TEX14: variants seen among roughly 807,000 people sequenced by gnomAD.
TEX14 encodes testis expressed 14, intercellular bridge forming factor, also known as inactive serine/threonine-protein kinase TEX14.
In TEX14, 168 loss-of-function variants were observed where a neutral mutation model predicts 178.6. The ratio of observed to expected loss-of-function variants is 0.94; its 90% confidence interval spans 0.83 to 1.07. The LOEUF is 1.07. TEX14 is among the 50% of genes least tolerant of loss of function. The pLI is 0.00. For synonymous variants in TEX14, 626 were observed against 634.1 expected (o/e 0.99, Z 0.19); for missense variants, 1,730 against 1,753.6 (o/e 0.99, Z 0.24).
At position 58,556,819 on chromosome 17, in the gene TEX14, G is replaced by A; in HGVS notation, c.*192C>T. On this transcript the variant is annotated 3_prime_UTR_variant, in exon 32 of 32. Transcript: ENST00000349033. ...CCTCTCACTTTTCAGAAATCTGACTGAAAACAAATGGTTGAATGTGCTGCT... is the reference window on the plus strand; with the variant it reads ...CCTCTCACTTTTCAGAAATCTGACTAAAAACAAATGGTTGAATGTGCTGCT... 1 of 488,008 alleles carries A rather than the reference G, an allele frequency of 2.0e-6. No individual in the cohort carries two copies. The highest frequency in any genetic ancestry group is 3.7e-6 in the Non-Finnish European group (1 of 272,628). The allele number at this position is 488,008 out of a possible 1,614,324, so 30.2% of individuals were successfully genotyped here.
chr17:58,597,610 A>C (rs1351686887), intron 14 of TEX14, among the ~76,000 whole-genome samples: 1 of 152,110 alleles, frequency 6.6e-6, no homozygotes, highest in Non-Finnish European at 1.5e-5. Flanking sequence ...CAGGAAGTTT[A>C]TATCACTGGG....
intron 1 of TEX14, chr17:58,660,684 CT>C: frequency 1.3e-6 from 1 of 782,554 alleles, no homozygotes; most frequent in Non-Finnish European, 2.4e-6. Flanking sequence ...TCCTCCTTTT[CT>C]TGATCTTCCT....
chr17:58,586,047 C>T lies in TEX14; in HGVS notation c.2824G>A (p.Gly942Arg), dbSNP rs1344094944. 1 of 1,613,142 alleles carries T rather than the reference C, an allele frequency of 6.2e-7. No individual in the cohort carries two copies. The highest frequency in any genetic ancestry group is 8.5e-7 in the Non-Finnish European group (1 of 1,179,322). The change falls in exon 18 of 32, where the codon GGA becomes AGA. Residue 942 changes from glycine to arginine, a missense_variant. Gly to Arg is a moderately radical substitution (Grantham distance 125). Coordinates refer to ENST00000349033, the MANE Select transcript of TEX14 (RefSeq NM_031272.5). ...TGCCAAGGAGGTACTGTGAGCTGTC[C>T]AGTAGCTGCTTTCTTTGCCATTTCT... ...VKEMAKKAAT[G>R]QLTVPPWHPQ...
Position 58,622,919 on chromosome 17 carries a change from C to T in TEX14, c.345G>A (p.Leu115=), listed in dbSNP as rs761844102. The stretch of plus-strand genomic sequence containing the variant: ...TTTGACCCCTCTCATCGTGGAGTCG[C>T]AGGTCACCTCCTGCATCCAGCAGTT... ...LSKLLDAGGD[L]RLHDERGQNP... is the part of the protein sequence containing the mutation. The change falls in exon 4 of 32, where the codon CTG becomes CTA. Residue 115 remains leucine (L), a synonymous_variant. Coordinates refer to ENST00000349033, the MANE Select transcript of TEX14 (RefSeq NM_031272.5). 6.2e-7 allele frequency: 1 copy of T among 1,613,414 alleles called. No individual in the cohort carries two copies. The highest frequency in any genetic ancestry group is 1.7e-5 in the Admixed American group (1 of 60,002).
intron 1 of TEX14, among the ~76,000 whole-genome samples, chr17:58,674,649 G>A (rs146294525): frequency 0.011 from 1,745 of 152,212 alleles, 15 homozygotes; most frequent in Middle Eastern, 0.041. Context: ...CAGCCTGGGT[G>A]ACAGAGTGAG....
chr17:58,621,609 G>C lies in TEX14; in HGVS notation c.554+41C>G, dbSNP rs138860116. 6.0e-4 allele frequency: 942 copies of C among 1,566,558 alleles called. 3 individuals carry two copies. In the African/African-American group the frequency reaches 6.5e-3, roughly 11 times the overall value. On this transcript the variant is annotated intron_variant, in intron 5 of 31. Coordinates refer to ENST00000349033, the MANE Select transcript of TEX14 (RefSeq NM_031272.5). ...TGCAGGGCTCCCACGAGGAAGGCTGGGTGATGGAGACTATCCCACTCTGCT... is the reference window on the plus strand; with the variant it reads ...TGCAGGGCTCCCACGAGGAAGGCTGCGTGATGGAGACTATCCCACTCTGCT...
At chr17:58,573,647 T>C (rs986386285) in intron 22 of TEX14, among the ~76,000 whole-genome samples, 2 of 152,078 alleles carry the variant, frequency 1.3e-5, no homozygotes, top group African/African-American at 4.8e-5. Context: ...GCCTCCTGGG[T>C]AGCTGGGACT....
chr17:58,578,687 A>G (rs1237511590), intron 20 of TEX14, among the ~76,000 whole-genome samples: 3 of 152,234 alleles, frequency 2.0e-5, no homozygotes, highest in Non-Finnish European at 2.9e-5. Context: ...GGCCACATAC[A>G]AGGCAGGTCC....
At chr17:58,591,159 C>T (rs2045128024) in intron 15 of TEX14, among the ~76,000 whole-genome samples, 1 of 152,088 alleles carries the variant, frequency 6.6e-6, no homozygotes, top group Admixed American at 6.6e-5. Flanking sequence ...GGTGTGAGTG[C>T]CAAACACTCT....
chr17:58,621,153 C>T (rs1259359470), intron 5 of TEX14, among the ~76,000 whole-genome samples: 2 of 152,184 alleles, frequency 1.3e-5, no homozygotes, highest in Non-Finnish European at 2.9e-5. Context: ...GCATGGAGCC[C>T]ACCTCCTGCA....
At chr17:58,639,242 G>C (rs1250525373) in intron 2 of TEX14, among the ~76,000 whole-genome samples, 1 of 152,056 alleles carries the variant, frequency 6.6e-6, no homozygotes, top group East Asian at 1.9e-4. Flanking sequence ...TGGGAGCTAA[G>C]CTATGAGGAC....
At chr17:58,638,878 T>TGG (rs1375093244) in intron 2 of TEX14, among the ~76,000 whole-genome samples, 180 of 123,404 alleles carry the variant, frequency 1.5e-3, no homozygotes, top group African/African-American at 6.0e-3. Context: ...TTTTTTTTTT[T>TGG]GGGGAGACGG....
chr17:58,580,775 A>G (rs1048237213), intron 19 of TEX14, among the ~76,000 whole-genome samples: 4 of 152,216 alleles, frequency 2.6e-5, no homozygotes, highest in African/African-American at 4.8e-5. Flanking sequence ...TCATTTTACA[A>G]ATGAAAATAC....
At position 58,601,924 on chromosome 17, in the gene TEX14, G is replaced by C. The variant is rs1173407399; in HGVS notation, c.1560C>G (p.Thr520=). ...CGTATCTCTGCACTCTGGGGCTCTC[G>C]GTTGGTTGAGTTCTCTGGGCTCCAG... ...DFTGAQRTQP[T]ESPRVQRYGL... The change falls in exon 13 of 32, where the codon ACC becomes ACG. Residue 520 remains threonine (T), a synonymous_variant. Transcript: ENST00000349033. 3 of 1,613,082 alleles carry C rather than the reference G, an allele frequency of 1.9e-6. No homozygotes were observed. In the South Asian group the frequency reaches 3.3e-5, roughly 18 times the overall value.
chr17:58,661,864 T>C lies in TEX14; in HGVS notation c.-1-9862A>G, dbSNP rs530287645. The C allele has an allele frequency of 2.5e-3, 930 of 375,236 alleles. 2 individuals carry two copies. Among genetic ancestry groups the C allele is most frequent in the Non-Finnish European group, 3.6e-3 (764 of 210,470 alleles). 23.2% of individuals were successfully genotyped at this position (375,236 alleles called of 1,614,324 possible). ...TAAAGTGGGAATAATACTGCCTTCC[T>C]GGCTCACAAGATTTCTGTGAGGACT... On this transcript the variant is annotated intron_variant, in intron 1 of 31. Transcript: ENST00000349033.
chr17:58,608,403 C>T (rs966432413), intron 10 of TEX14, among the ~76,000 whole-genome samples: 10 of 148,598 alleles, frequency 6.7e-5, no homozygotes, highest in Middle Eastern at 3.5e-3. Flanking sequence ...GGCAACAGAG[C>T]GAGACTCCAT....
intron 3 of TEX14, among the ~76,000 whole-genome samples, chr17:58,624,745 G>T (rs1194717168): frequency 6.6e-6 from 1 of 152,122 alleles, no homozygotes; most frequent in African/African-American, 2.4e-5. Context: ...GAAACTACAA[G>T]CCATCTCCAT....
At chr17:58,562,466 CAAT>C (rs1223252847) in intron 28 of TEX14, among the ~76,000 whole-genome samples, 2 of 152,004 alleles carry the variant, frequency 1.3e-5, no homozygotes, top group Non-Finnish European at 1.5e-5. Context: ...GAAGAGACAA[CAAT>C]AATAATAGCT....
chr17:58,560,199 C>G (rs2044246455), intron 29 of TEX14, among the ~76,000 whole-genome samples: 1 of 152,142 alleles, frequency 6.6e-6, no homozygotes, highest in Non-Finnish European at 1.5e-5. Context: ...TCGGTGGATG[C>G]TGGTTGAACC....
Sources: gnomAD v4.1 joint callset for allele counts (sites outside exome capture counted in the v4.1 genomes callset) on GRCh38, gnomAD v4.1.1 for gene constraint, MANE v1.5 for transcripts, NCBI Gene and HGNC (gene_info 2026-07-23, HGNC 2026-07-21) for gene names.